The following JMJD1C variants were observed in gnomAD, a reference collection of about 807,000 sequenced individuals.
JMJD1C encodes jumonji domain containing 1C.
In JMJD1C, 31 loss-of-function variants were observed where a neutral mutation model predicts 245.3. The ratio of observed to expected loss-of-function variants is 0.13; its 90% CI spans 0.09 to 0.17. The LOEUF (loss-of-function observed/expected upper bound fraction) is 0.17, where lower values mean the gene tolerates loss of function less well. JMJD1C is among the 10% of genes least tolerant of loss of function. The pLI is 1.00. For missense variants in JMJD1C, 2,691 were observed against 3,000.2 expected (o/e 0.90, Z 2.41); for synonymous variants, 1,057 against 1,017.4 (o/e 1.04, Z -0.74).
intron 2 of JMJD1C, among the ~76,000 whole-genome samples, chr10:63,266,748 A>G (rs1451060472): frequency 1.3e-5 from 2 of 152,182 alleles, no homozygotes; most frequent in Non-Finnish European, 2.9e-5. Context: ...TAAAGATACA[A>G]TTCAATTAAG....
chr10:63,466,008 G>T (rs1033724506), upstream of JMJD1C: 1 of 263,114 alleles, frequency 3.8e-6, no homozygotes, highest in Non-Finnish European at 7.3e-6. Flanking sequence ...CAGCGGCGGC[G>T]CGCAGCGCGT....
intron 24 of JMJD1C, among the ~76,000 whole-genome samples, chr10:63,169,780 A>G (rs1409241885): frequency 6.6e-6 from 1 of 152,182 alleles, no homozygotes; most frequent in African/African-American, 2.4e-5. Context: ...GCATTTCTGT[A>G]CAGTCTCACT....
Position 63,332,098 on chromosome 10 carries a change from T to C in JMJD1C, c.333+48220A>G, listed in dbSNP as rs368858579. Among the ~76,000 whole-genome samples, 4 of 152,216 alleles carry C rather than the reference T, an allele frequency of 2.6e-5. No individual in the cohort carries two copies. The South Asian group carries it at 8.3e-4, about 32-fold the overall frequency. On this transcript the variant is annotated intron_variant, in intron 2 of 25. Coordinates refer to ENST00000399262, the MANE Select transcript of JMJD1C (RefSeq NM_032776.3). ...AAGACAATAGCCAACATTTTTCTAA[T>C]ATTATACCATTTACCCTAACTAAAA...
At chr10:63,503,627 G>C (rs1047148591) in intron 1 of JMJD1C, among the ~76,000 whole-genome samples, 1 of 152,082 alleles carries the variant, frequency 6.6e-6, no homozygotes, top group South Asian at 2.1e-4. Context: ...TTATTCCTAC[G>C]GGCAAGCCTA....
At chr10:63,431,823 C>T (rs969226572) in intron 1 of JMJD1C, among the ~76,000 whole-genome samples, 6 of 152,138 alleles carry the variant, frequency 3.9e-5, no homozygotes, top group Non-Finnish European at 7.4e-5. Flanking sequence ...ACCACCCTGG[C>T]CAACAAGGTG....
chr10:63,194,739 T>C (rs1229313039), intron 13 of JMJD1C: 5 of 191,634 alleles, frequency 2.6e-5, no homozygotes, highest in African/African-American at 9.3e-5. Context: ...TGCCTGATCC[T>C]AGTACATCAG....
intron 1 of JMJD1C, among the ~76,000 whole-genome samples, chr10:63,433,746 C>A (rs1447897774): frequency 2.0e-5 from 3 of 151,268 alleles, no homozygotes; most frequent in Non-Finnish European, 4.4e-5. Flanking sequence ...CCACCACATG[C>A]AGTTAATTAT....
At chr10:63,174,573 C>G (rs1458110389) in intron 24 of JMJD1C, among the ~76,000 whole-genome samples, 1 of 152,146 alleles carries the variant, frequency 6.6e-6, no homozygotes, top group Non-Finnish European at 1.5e-5. Flanking sequence ...GTGGCTCATG[C>G]CTGTAATCCC....
chr10:63,195,801 C>T (rs927543528), intron 13 of JMJD1C, among the ~76,000 whole-genome samples: 2 of 151,582 alleles, frequency 1.3e-5, no homozygotes, highest in East Asian at 3.9e-4. Context: ...TGGTGGCAGG[C>T]GCCTGTAGTC....
At chr10:63,218,711 A>G (rs1283088043) in intron 4 of JMJD1C, among the ~76,000 whole-genome samples, 1 of 152,040 alleles carries the variant, frequency 6.6e-6, no homozygotes, top group Non-Finnish European at 1.5e-5. Flanking sequence ...GAAACAAAAT[A>G]TTATTTTTTA....
intron 1 of JMJD1C, among the ~76,000 whole-genome samples, chr10:63,481,892 T>G (rs1953841958): frequency 6.6e-6 from 1 of 152,188 alleles, no homozygotes; most frequent in Non-Finnish European, 1.5e-5. Context: ...GATTAAAGAC[T>G]CTTCAAAGCT....
intron 1 of JMJD1C, among the ~76,000 whole-genome samples, chr10:63,509,274 T>C (rs928242504): frequency 2.0e-5 from 3 of 152,258 alleles, no homozygotes; most frequent in Non-Finnish European, 4.4e-5. Flanking sequence ...CTGGGATAAA[T>C]CCCACTTGGT....
chr10:63,200,777 G>T, intron 10 of JMJD1C, 100 bp from the exon 11 acceptor site: 3 of 945,654 alleles, frequency 3.2e-6, no homozygotes, highest in South Asian at 1.5e-5. Flanking sequence ...TGATGATACG[G>T]TAAGACTTTA....
In JMJD1C at chr10:63,280,088, T is replaced by C. The variant is rs931603017; in HGVS notation, c.334-15324A>G. Among the ~76,000 whole-genome samples the C allele has an allele frequency of 3.3e-5, 5 of 151,674 alleles. No homozygotes were observed. In the South Asian group the frequency reaches 8.3e-4, roughly 25 times the overall value. On this transcript the variant is annotated intron_variant, in intron 2 of 25. Coordinates refer to ENST00000399262, the MANE Select transcript of JMJD1C (RefSeq NM_032776.3). ...ATCACTTGAACCCGGGAGGCAGAGG[T>C]TGCAGTGAGCCGAGGTCATGCCACT...
At chr10:63,500,325 A>G (rs1382868177) in intron 1 of JMJD1C, among the ~76,000 whole-genome samples, 1 of 151,758 alleles carries the variant, frequency 6.6e-6, no homozygotes, top group Non-Finnish European at 1.5e-5. Context: ...TGGGAGGCTG[A>G]GATGGGAGGA....
intron 1 of JMJD1C, among the ~76,000 whole-genome samples, chr10:63,498,890 C>G (rs1954446618): frequency 6.6e-6 from 1 of 152,128 alleles, no homozygotes; most frequent in Non-Finnish European, 1.5e-5. Context: ...ATTCCACCTC[C>G]CATGAGCCCC....
At chr10:63,234,599 A>G (rs1418257417) in intron 3 of JMJD1C, among the ~76,000 whole-genome samples, 2 of 151,300 alleles carry the variant, frequency 1.3e-5, no homozygotes, top group Admixed American at 6.6e-5. Flanking sequence ...TAGATTTGCT[A>G]AAAATATCGT....
At chr10:63,512,807 G>A (rs1379199294) in intron 1 of JMJD1C, among the ~76,000 whole-genome samples, 3 of 151,934 alleles carry the variant, frequency 2.0e-5, no homozygotes, top group Non-Finnish European at 2.9e-5. Flanking sequence ...TGCTGCTTTG[G>A]TATTTCCTTA....
chr10:63,206,853 T>C lies in JMJD1C; in HGVS notation c.4816A>G (p.Lys1606Glu). Residue 1606 changes from lysine to glutamate, a missense_variant, in exon 10 of 26, where the codon AAA (lysine) becomes GAA (glutamate). Physicochemically the swap from Lys to Glu is moderately conservative, Grantham distance 56. This residue lies in a region of JMJD1C where 144 missense variants were observed against 143.3 expected (regional missense o/e 1.00). Transcript: ENST00000399262. ...TTGACTTTATCATCTTTTACATATT[T>C]ATCAACTATGATCTTACTATCTACA... Reference protein sequence around the residue: ...NSVDSKIIVDKYVKDDKVNRR... With the variant: ...NSVDSKIIVDEYVKDDKVNRR... The C allele has an allele frequency of 1.9e-6, 3 of 1,602,326 alleles. No individual in the cohort carries two copies. Among genetic ancestry groups the C allele is most frequent in the Non-Finnish European group, 2.6e-6 (3 of 1,176,190 alleles).
Sources: allele counts gnomAD v4.1 joint callset (sites outside exome capture counted in the v4.1 genomes callset), GRCh38; gene constraint gnomAD v4.1.1; regional missense constraint gnomAD v4.1.1; transcripts MANE v1.5; gene names NCBI Gene and HGNC (gene_info 2026-07-23, HGNC 2026-07-21).